Variants in HTR2C observed in about 807,000 individuals in gnomAD.
HTR2C encodes the protein 5-hydroxytryptamine receptor 2C, also known as 5-hydroxytryptamine (serotonin) receptor 2C, G protein-coupled.
A neutral mutation model predicts 21.0 loss-of-function variants in HTR2C; 5 were observed. The ratio of observed to expected loss-of-function variants is 0.24; its 90% confidence interval spans 0.12 to 0.50. The LOEUF (loss-of-function observed/expected upper bound fraction) is 0.50, where lower values mean the gene tolerates loss of function less well. Among genes scored for constraint, HTR2C ranks in the 20% least tolerant of loss-of-function variants. The pLI, the probability that HTR2C is intolerant of heterozygous loss-of-function variation, is 0.98. For synonymous variants in HTR2C, 150 were observed against 145.3 expected (o/e 1.03, Z -0.23); for missense variants, 271 against 371.2 (o/e 0.73, Z 2.22).
At chrX:114,871,991 C>T (rs1556476656) in intron 5 of HTR2C, among the ~76,000 whole-genome samples, 2 of 70,900 alleles carry the variant, frequency 2.8e-5, no homozygotes, top group African/African-American at 8.6e-5. Context: ...GTTTATTTGT[C>T]ATTTCCCCTC....
chrX:114,860,255 G>C (rs1216734336), intron 5 of HTR2C, among the ~76,000 whole-genome samples: 2 of 110,664 alleles, frequency 1.8e-5, no homozygotes, highest in Admixed American at 1.9e-4. Context: ...TCTCCTTTTA[G>C]TTTTTTTAAC....
intron 2 of HTR2C, among the ~76,000 whole-genome samples, chrX:114,673,643 A>G (rs1482435341): frequency 1.8e-5 from 2 of 111,936 alleles, no homozygotes; most frequent in Non-Finnish European, 3.8e-5. Flanking sequence ...GTAGAAAAAC[A>G]TGGACACAAA....
At chrX:114,744,475 C>T (rs1159989048) in intron 4 of HTR2C, among the ~76,000 whole-genome samples, 6 of 97,492 alleles carry the variant, frequency 6.2e-5, no homozygotes, top group Non-Finnish European at 8.1e-5. Context: ...TTTTTTTTGA[C>T]GGAGTCACGC....
At chrX:114,681,156 A>G (rs993094295) in intron 2 of HTR2C, among the ~76,000 whole-genome samples, 15 of 111,597 alleles carry the variant, frequency 1.3e-4, no homozygotes, top group African/African-American at 4.9e-4. Flanking sequence ...ACATTTCAGC[A>G]TCTTCCTTTC....
intron 4 of HTR2C, among the ~76,000 whole-genome samples, chrX:114,828,842 T>C (rs1427135837): frequency 8.9e-6 from 1 of 112,329 alleles, no homozygotes; most frequent in African/African-American, 3.2e-5. Flanking sequence ...ATCTTTTGCA[T>C]CTGGCTTCTT....
At chrX:114,632,237 A>T (rs1569479666) in intron 2 of HTR2C, among the ~76,000 whole-genome samples, 2 of 112,088 alleles carry the variant, frequency 1.8e-5, no homozygotes, top group East Asian at 2.8e-4. Context: ...TAAGTAAAAA[A>T]TAATTATTTT....
chrX:114,604,880 AT>A (rs1421711417), intron 1 of HTR2C, among the ~76,000 whole-genome samples: 1 of 111,167 alleles, frequency 9.0e-6, no homozygotes, highest in Non-Finnish European at 1.9e-5. Flanking sequence ...GAGGCAAGGA[AT>A]TGCAACTTTT....
chrX:114,885,909 G>T (rs1023141430), intron 5 of HTR2C, among the ~76,000 whole-genome samples: 1 of 111,236 alleles, frequency 9.0e-6, no homozygotes, highest in Admixed American at 9.6e-5. Flanking sequence ...CTATTTCCTG[G>T]TCGATTGTTT....
At chrX:114,671,410 T>C (rs1556411705) in intron 2 of HTR2C, among the ~76,000 whole-genome samples, 6 of 112,250 alleles carry the variant, frequency 5.3e-5, no homozygotes, top group Non-Finnish European at 1.1e-4. Flanking sequence ...TTAATCTCAA[T>C]GACAAATATT....
chrX:114,606,740 CAG>C (rs1177044806), intron 1 of HTR2C, among the ~76,000 whole-genome samples: 1 of 111,636 alleles, frequency 9.0e-6, no homozygotes, highest in East Asian at 2.8e-4. Flanking sequence ...AGCAGGAGGA[CAG>C]GGGATTGATC....
chrX:114,672,102 G>A (rs1461210117), intron 2 of HTR2C, among the ~76,000 whole-genome samples: 2 of 112,032 alleles, frequency 1.8e-5, no homozygotes, highest in Non-Finnish European at 3.8e-5. Flanking sequence ...AAGAATAGCA[G>A]ATCCTGAGCA....
intron 2 of HTR2C, among the ~76,000 whole-genome samples, chrX:114,623,955 C>A (rs782692387): frequency 3.5e-3 from 294 of 84,720 alleles, no homozygotes; most frequent in African/African-American, 0.013. Context: ...GTTGCCCAGG[C>A]TGGAGTACAG....
At chrX:114,888,016 A>AAATT (rs1441292616) in intron 5 of HTR2C, among the ~76,000 whole-genome samples, 1 of 111,033 alleles carries the variant, frequency 9.0e-6, no homozygotes, top group Non-Finnish European at 1.9e-5. Flanking sequence ...TCTAAAAAAT[A>AAATT]AATAAATAAA....
At chrX:114,765,437 G>A (rs2069938127) in intron 4 of HTR2C, among the ~76,000 whole-genome samples, 1 of 110,970 alleles carries the variant, frequency 9.0e-6, no homozygotes, top group Admixed American at 9.7e-5. Flanking sequence ...CCACTTTACA[G>A]ATGAGGGAAA....
At chrX:114,719,685 TCTC>T (rs1163506084) in intron 2 of HTR2C, among the ~76,000 whole-genome samples, 2 of 111,796 alleles carry the variant, frequency 1.8e-5, no homozygotes, top group Non-Finnish European at 3.8e-5. Flanking sequence ...TACTCATTCT[TCTC>T]AATAAAATTG....
chrX:114,868,831 T>A (rs1209894715), intron 5 of HTR2C, among the ~76,000 whole-genome samples: 10 of 110,765 alleles, frequency 9.0e-5, no homozygotes, highest in African/African-American at 2.9e-4. Context: ...CAGCAGATGT[T>A]ATCACTTTTT....
At chrX:114,730,367 A>G (rs1303579298) in intron 3 of HTR2C, among the ~76,000 whole-genome samples, 1 of 111,952 alleles carries the variant, frequency 8.9e-6, no homozygotes, top group African/African-American at 3.2e-5. Flanking sequence ...ATGACTTAAG[A>G]GATTTAGTTC....
At chrX:114,736,071 C>T (rs2069587505) in intron 4 of HTR2C, among the ~76,000 whole-genome samples, 1 of 109,492 alleles carries the variant, frequency 9.1e-6, no homozygotes. Flanking sequence ...CGAGATCGCG[C>T]CACTGCACTC....
At chrX:114,625,646 A>T (rs1332318835) in intron 2 of HTR2C, among the ~76,000 whole-genome samples, 2 of 111,895 alleles carry the variant, frequency 1.8e-5, no homozygotes, top group Admixed American at 1.9e-4. Flanking sequence ...AAAATAAATC[A>T]CCCAGCCTCA....
Sources: allele counts gnomAD v4.1 joint callset (sites outside exome capture counted in the v4.1 genomes callset), GRCh38; gene constraint gnomAD v4.1.1; transcripts MANE v1.5; gene names NCBI Gene and HGNC (gene_info 2026-07-23, HGNC 2026-07-21).